Variants in MECOM observed in about 807,000 individuals in gnomAD.
MECOM encodes the protein histone-lysine N-methyltransferase MECOM.
Under a neutral mutation model 116.3 loss-of-function variants are expected in MECOM, and 13 were observed. That is an observed-to-expected ratio of 0.11 (90% CI 0.07 to 0.18). The LOEUF (loss-of-function observed/expected upper bound fraction) is 0.18. Ranked by LOEUF, MECOM falls within the 10% of genes least tolerant of loss-of-function variation. The pLI is 1.00. For synonymous variants in MECOM, 528 were observed against 535.2 expected (o/e 0.99, Z 0.19); for missense variants, 1,299 against 1,509.0 (o/e 0.86, Z 2.31).
chr3:169,592,266 G>T (rs1462505552), intron 1 of MECOM, among the ~76,000 whole-genome samples: 1 of 152,102 alleles, frequency 6.6e-6, no homozygotes, highest in African/African-American at 2.4e-5. Context: ...CAAAAATCTG[G>T]GCATCAGCAC....
intron 2 of MECOM, among the ~76,000 whole-genome samples, chr3:169,283,235 G>C (rs988037923): frequency 2.0e-5 from 3 of 152,090 alleles, no homozygotes; most frequent in Admixed American, 2.0e-4. Context: ...AGGCATGGTG[G>C]CTCATGCCTG....
At chr3:169,387,329 C>T (rs1733509198) in intron 1 of MECOM, among the ~76,000 whole-genome samples, 1 of 152,184 alleles carries the variant, frequency 6.6e-6, no homozygotes, top group Non-Finnish European at 1.5e-5. Context: ...CCATTTCACT[C>T]GTAATTCTTC....
intron 2 of MECOM, among the ~76,000 whole-genome samples, chr3:169,190,904 T>A (rs1747434582): frequency 6.6e-6 from 1 of 152,022 alleles, no homozygotes; most frequent in South Asian, 2.1e-4. Context: ...TTATGTTGTA[T>A]ATCAATGTGT....
chr3:169,160,621 AT>A (rs1013668615), intron 2 of MECOM, among the ~76,000 whole-genome samples: 2 of 149,652 alleles, frequency 1.3e-5, no homozygotes, highest in African/African-American at 4.9e-5. Flanking sequence ...ATTATTGTAC[AT>A]TTTAAAATAA....
At chr3:169,182,805 C>T (rs1048279245) in intron 2 of MECOM, among the ~76,000 whole-genome samples, 4 of 152,126 alleles carry the variant, frequency 2.6e-5, no homozygotes, top group Admixed American at 6.5e-5. Context: ...ATTCACTTCT[C>T]TGGAACTCTA....
chr3:169,526,101 G>A lies in MECOM; in HGVS notation c.37+137235C>T, dbSNP rs77655380. Among the ~76,000 whole-genome samples, 308 of 151,990 alleles carry A rather than the reference G, an allele frequency of 2.0e-3. 2 individuals carry two copies. Among genetic ancestry groups the A allele is most frequent in the Non-Finnish European group, 3.4e-3 (234 of 67,968 alleles). On this transcript the variant is annotated intron_variant, in intron 1 of 16. Coordinates refer to ENST00000651503, the MANE Select transcript of MECOM (RefSeq NM_004991.4). ...TTTCTCACACAAAAACAAATGCACT[G>A]GAGGAAAACACTGAAACAATAGTTG...
intron 1 of MECOM, among the ~76,000 whole-genome samples, chr3:169,564,984 G>A (rs995006078): frequency 3.3e-5 from 5 of 152,210 alleles, no homozygotes; most frequent in Admixed American, 3.3e-4. Flanking sequence ...GTGCAGCAAA[G>A]GCACCATGTA....
At chr3:169,143,636 C>A in intron 3 of MECOM, 62 bp downstream of exon 3, 1 of 1,447,258 alleles carries the variant, frequency 6.9e-7, no homozygotes, top group East Asian at 2.5e-5. Flanking sequence ...TATTTTTATT[C>A]TTCAGGCTCC....
intron 1 of MECOM, among the ~76,000 whole-genome samples, chr3:169,407,482 A>G (rs1319927536): frequency 6.6e-6 from 1 of 152,230 alleles, no homozygotes; most frequent in African/African-American, 2.4e-5. Flanking sequence ...TTACTGTAAT[A>G]GAACATTTGT....
At chr3:169,262,621 C>A (rs1439899500) in intron 2 of MECOM, among the ~76,000 whole-genome samples, 1 of 152,112 alleles carries the variant, frequency 6.6e-6, no homozygotes, top group Admixed American at 6.5e-5. Flanking sequence ...CTTCTCCTCC[C>A]AGGGTGAACT....
chr3:169,434,448 T>G (rs896227935), intron 1 of MECOM, among the ~76,000 whole-genome samples: 10 of 152,104 alleles, frequency 6.6e-5, no homozygotes, highest in African/African-American at 2.4e-4. Flanking sequence ...TACTGTTTTT[T>G]TTTTGTTTTG....
At chr3:169,149,424 C>T (rs1018318269) in intron 2 of MECOM, 9 of 182,276 alleles carry the variant, frequency 4.9e-5, no homozygotes, top group South Asian at 3.7e-4. Flanking sequence ...ATATTGGCTT[C>T]GGGTGGGGGG....
intron 2 of MECOM, among the ~76,000 whole-genome samples, chr3:169,318,091 C>T (rs1381012736): frequency 6.6e-6 from 1 of 152,150 alleles, no homozygotes; most frequent in African/African-American, 2.4e-5. Context: ...AAACTGGACT[C>T]CTTCCTTACA....
intron 1 of MECOM, among the ~76,000 whole-genome samples, chr3:169,393,865 C>G (rs1166189541): frequency 6.6e-6 from 1 of 152,030 alleles, no homozygotes; most frequent in Non-Finnish European, 1.5e-5. Flanking sequence ...CTAAAGAAAG[C>G]AAGAAAATTT....
In MECOM at chr3:169,085,020, C is replaced by T. The variant is rs1293063385; in HGVS notation, c.3609G>A (p.Leu1203=). The T allele has an allele frequency of 6.2e-7, 1 of 1,614,086 alleles. No homozygotes were observed. Among genetic ancestry groups the T allele is most frequent in the Non-Finnish European group, 8.5e-7 (1 of 1,179,980 alleles). Reference sequence around the variant, plus strand: ...TAGAATGGAGGGACTCCTTGTCAGACAGTGACAGCATCATAGCATATGCCT... The same window carrying T: ...TAGAATGGAGGGACTCCTTGTCAGATAGTGACAGCATCATAGCATATGCCT... ...KSQAYAMMLS[L]SDKESLHSTS... The change falls in exon 17 of 17, where the codon CTG becomes CTA. Residue 1203 remains leucine, a synonymous_variant. Transcript: ENST00000651503.
intron 1 of MECOM, among the ~76,000 whole-genome samples, chr3:169,436,245 C>CTTTTTTTTTTT (rs11349670): frequency 2.1e-5 from 2 of 93,652 alleles, no homozygotes; most frequent in Non-Finnish European, 4.1e-5. Flanking sequence ...GGCTAAATCG[C>CTTTTTTTTTTT]TTTTTTTTTT....
At chr3:169,164,289 G>A (rs2149355036) in intron 2 of MECOM, among the ~76,000 whole-genome samples, 1 of 152,180 alleles carries the variant, frequency 6.6e-6, no homozygotes, top group East Asian at 1.9e-4. Flanking sequence ...CCCTGCACAA[G>A]CTCTCTCTCT....
intron 2 of MECOM, among the ~76,000 whole-genome samples, chr3:169,213,682 G>A (rs138387288): frequency 5.9e-5 from 9 of 152,098 alleles, no homozygotes; most frequent in South Asian, 2.1e-4. Context: ...AGAAAAAATC[G>A]GCAAAGTTAT....
intron 1 of MECOM, among the ~76,000 whole-genome samples, chr3:169,438,710 C>A (rs1743114635): frequency 6.6e-6 from 1 of 152,140 alleles, no homozygotes; most frequent in Non-Finnish European, 1.5e-5. Flanking sequence ...TAGAGATGGC[C>A]ACAGCCAGCA....
Sources: gnomAD v4.1 joint callset for allele counts (sites outside exome capture counted in the v4.1 genomes callset) on GRCh38, gnomAD v4.1.1 for gene constraint, MANE v1.5 for transcripts, NCBI Gene and HGNC (gene_info 2026-07-23, HGNC 2026-07-21) for gene names.